The following TP63 variants were observed in gnomAD, a reference collection of about 807,000 sequenced individuals.
The protein encoded by TP63 is tumor protein p63.
Under a neutral mutation model 82.8 loss-of-function variants are expected in TP63, and 17 were observed. The ratio of observed to expected loss-of-function variants is 0.21; its 90% CI spans 0.14 to 0.31. TP63 has a LOEUF of 0.31. Among genes scored for constraint, TP63 ranks in the 10% least tolerant of loss-of-function variants. The pLI is 1.00. For synonymous variants in TP63, 330 were observed against 321.7 expected (o/e 1.03, Z -0.28); for missense variants, 648 against 895.3 (o/e 0.72, Z 3.52).
intron 11 of TP63, among the ~76,000 whole-genome samples, chr3:189,888,277 A>G (rs542924192): frequency 1.6e-4 from 24 of 152,234 alleles, no homozygotes; most frequent in Non-Finnish European, 3.1e-4. Context: ...CATAAGGCTT[A>G]AAACCTGACC....
chr3:189,824,395 G>T (rs540628163), intron 4 of TP63, among the ~76,000 whole-genome samples: 1 of 151,894 alleles, frequency 6.6e-6, no homozygotes, highest in East Asian at 1.9e-4. Flanking sequence ...ACCATGCCTG[G>T]CTAATTTTTG....
At chr3:189,864,882 CTG>C (rs1717508701) in intron 5 of TP63, among the ~76,000 whole-genome samples, 1 of 151,976 alleles carries the variant, frequency 6.6e-6, no homozygotes, top group African/African-American at 2.4e-5. Context: ...TGGCGGGCAC[CTG>C]TAGTCCCAGC....
intron 1 of TP63, among the ~76,000 whole-genome samples, chr3:189,673,350 T>G (rs1715098474): frequency 6.6e-6 from 1 of 152,160 alleles, no homozygotes; most frequent in African/African-American, 2.4e-5. Flanking sequence ...GAAAGTTTAT[T>G]CTTGGCAATT....
intron 4 of TP63, among the ~76,000 whole-genome samples, chr3:189,857,216 A>G (rs929578892): frequency 2.6e-5 from 4 of 152,186 alleles, no homozygotes; most frequent in African/African-American, 4.8e-5. Flanking sequence ...AGATACAGAC[A>G]TGAACACATA....
intron 1 of TP63, among the ~76,000 whole-genome samples, chr3:189,671,435 G>C (rs995396681): frequency 6.6e-6 from 1 of 151,974 alleles, no homozygotes; most frequent in African/African-American, 2.4e-5. Context: ...ACACATTCTT[G>C]GTTGGAAGAT....
chr3:189,655,033 G>A (rs1033407166), intron 1 of TP63, among the ~76,000 whole-genome samples: 7 of 152,152 alleles, frequency 4.6e-5, no homozygotes, highest in Non-Finnish European at 8.8e-5. Flanking sequence ...CTTGATCATC[G>A]GTTAGAAAGA....
At chr3:189,690,972 C>T (rs781260941) in intron 1 of TP63, among the ~76,000 whole-genome samples, 2 of 152,112 alleles carry the variant, frequency 1.3e-5, no homozygotes, top group African/African-American at 2.4e-5. Flanking sequence ...CCAGAACAAG[C>T]ACGATATAGA....
intron 1 of TP63, among the ~76,000 whole-genome samples, chr3:189,668,426 TC>T (rs1714600132): frequency 6.6e-6 from 1 of 151,976 alleles, no homozygotes; most frequent in South Asian, 2.1e-4. Context: ...AGATGAGGTA[TC>T]TAAACAGAGA....
chr3:189,644,353 T>G (rs1201958610), intron 1 of TP63, among the ~76,000 whole-genome samples: 4 of 151,980 alleles, frequency 2.6e-5, no homozygotes, highest in Admixed American at 6.6e-5. Context: ...CTGTGAAAAT[T>G]TATTCCCTTC....
intron 2 of TP63, among the ~76,000 whole-genome samples, chr3:189,738,284 A>G (rs566012453): frequency 1.3e-5 from 2 of 152,382 alleles, no homozygotes; most frequent in East Asian, 3.9e-4. Flanking sequence ...AGGTTTGGAT[A>G]AGTGAGTAAA....
intron 1 of TP63, among the ~76,000 whole-genome samples, chr3:189,657,229 G>T (rs990819683): frequency 2.0e-5 from 3 of 151,936 alleles, no homozygotes; most frequent in African/African-American, 7.2e-5. Flanking sequence ...TTATTTTTGG[G>T]CAGTGAAACT....
intron 3 of TP63, among the ~76,000 whole-genome samples, chr3:189,757,527 T>A (rs530052712): frequency 6.6e-6 from 1 of 152,318 alleles, no homozygotes; most frequent in Admixed American, 6.5e-5. Flanking sequence ...GTGGAAATGG[T>A]TGTTGCTGTT....
chr3:189,701,973 G>A (rs1361800309), intron 1 of TP63, among the ~76,000 whole-genome samples: 1 of 152,118 alleles, frequency 6.6e-6, no homozygotes, highest in African/African-American at 2.4e-5. Context: ...TTAAATAAAT[G>A]TGTAACTTGT....
intron 3 of TP63, among the ~76,000 whole-genome samples, chr3:189,786,475 ACACACACGCATG>A (rs1724611159): frequency 6.7e-6 from 1 of 150,238 alleles, no homozygotes; most frequent in Non-Finnish European, 1.5e-5. Flanking sequence ...ACACACACAC[ACACACACGCATG>A]CACAAATACA....
chr3:189,876,707 A>C (rs1255565422), intron 10 of TP63, among the ~76,000 whole-genome samples: 1 of 152,224 alleles, frequency 6.6e-6, no homozygotes, highest in East Asian at 1.9e-4. Context: ...ATATGCATCT[A>C]TATAAATCCT....
At position 189,896,874 on chromosome 3, in the gene TP63, G is replaced by T. The variant is rs1279327573; in HGVS notation, c.*2372G>T. ...AGAAAGTGGGCTTAATGGAGTTCTT[G>T]TGGCCTCAGCTCAATGCAGTTAGCT... On this transcript the variant is annotated 3_prime_UTR_variant, in exon 14 of 14. Coordinates refer to ENST00000264731, the MANE Select transcript of TP63 (RefSeq NM_003722.5). The T allele has an allele frequency of 1.8e-5, 4 of 217,756 alleles. No homozygotes were observed. Among genetic ancestry groups the T allele is most frequent in the African/African-American group, 9.0e-5 (4 of 44,476 alleles). The allele number at this position is 217,756 out of a possible 1,614,324, so 13.5% of individuals were successfully genotyped here. A position where few individuals can be genotyped will look rare whatever the true frequency, so the allele number is the denominator to read the frequency against.
chr3:189,726,601 G>T (rs1266243633), intron 1 of TP63, among the ~76,000 whole-genome samples: 3 of 152,110 alleles, frequency 2.0e-5, no homozygotes, highest in Non-Finnish European at 4.4e-5. Flanking sequence ...TATTAATGAG[G>T]ATGGTAAGAA....
chr3:189,611,394 G>A, the TP63 span, among the ~76,000 whole-genome samples: 1 of 152,104 alleles, frequency 6.6e-6, no homozygotes, highest in Non-Finnish European at 1.5e-5. Context: ...CATTTTTTGA[G>A]TAGGTTGTCT....
At chr3:189,860,948 CCAAA>C (rs1177056688) in intron 4 of TP63, among the ~76,000 whole-genome samples, 2 of 152,094 alleles carry the variant, frequency 1.3e-5, no homozygotes, top group Admixed American at 6.5e-5. Flanking sequence ...TACCTGTCAC[CCAAA>C]CAGTGAACAT....
Sources: gnomAD v4.1 joint callset for allele counts (sites outside exome capture counted in the v4.1 genomes callset) on GRCh38, gnomAD v4.1.1 for gene constraint, MANE v1.5 for transcripts, NCBI Gene and HGNC (gene_info 2026-07-23, HGNC 2026-07-21) for gene names.